Variants in ANKRD30B observed in about 807,000 individuals in gnomAD.
The protein encoded by ANKRD30B is ankyrin repeat domain-containing protein 30B.
A neutral mutation model predicts 202.2 loss-of-function variants in ANKRD30B; 144 were observed. The ratio of observed to expected loss-of-function variants is 0.71; its 90% CI spans 0.62 to 0.82. ANKRD30B has a LOEUF of 0.82. ANKRD30B is among the 40% of genes least tolerant of loss of function. The pLI is 0.00. For synonymous variants in ANKRD30B, 508 were observed against 561.3 expected, an observed-to-expected ratio of 0.91 and a Z score of 1.34; for missense variants, 1,487 against 1,669.1, an observed-to-expected ratio of 0.89 and a Z score of 1.90.
rs1302286178 is a variant in ANKRD30B at position 14,755,029 on chromosome 18, TA to T, written c.617+30del. ...TGGTATGGTAGTTCTTTTTTTTTAC[TA>T]AAAAACACTTGACTAGTGTTCTAGA... On this transcript the variant is annotated intron_variant, in intron 4 of 43. Coordinates refer to ENST00000690538, the MANE Select transcript of ANKRD30B (RefSeq NM_001367607.2). 6 of 1,285,306 alleles carry T rather than the reference TA, an allele frequency of 4.7e-6. No homozygotes were observed. In the African/African-American group the frequency reaches 6.1e-5, roughly 13 times the overall value. 79.6% of individuals were successfully genotyped at this position (1,285,306 alleles called of 1,614,324 possible).
At chr18:14,903,366 G>A in the ANKRD30B span, among the ~76,000 whole-genome samples, 2 of 152,336 alleles carry the variant, frequency 1.3e-5, no homozygotes, top group East Asian at 1.9e-4. Flanking sequence ...AGGGGAAGAG[G>A]AGATGGGAAT....
intron 26 of ANKRD30B, 41 bp downstream of exon 26, chr18:14,808,785 A>T: frequency 1.4e-6 from 2 of 1,411,122 alleles, no homozygotes; most frequent in Non-Finnish European, 1.9e-6. Flanking sequence ...AATTAAGAAT[A>T]TTAAACTATT....
intron 30 of ANKRD30B, among the ~76,000 whole-genome samples, chr18:14,819,890 T>A (rs553086324): frequency 6.6e-6 from 1 of 152,286 alleles, no homozygotes; most frequent in South Asian, 2.1e-4. Context: ...TTTTTTCCAA[T>A]TCTGTGAAGA....
the ANKRD30B span, among the ~76,000 whole-genome samples, chr18:14,890,541 G>T: frequency 6.6e-6 from 1 of 150,904 alleles, no homozygotes; most frequent in Admixed American, 6.6e-5. Flanking sequence ...GAAGCACAGA[G>T]AAACTAAGAA....
At chr18:14,815,486 A>T (rs1408918975) in intron 30 of ANKRD30B, among the ~76,000 whole-genome samples, 1 of 152,134 alleles carries the variant, frequency 6.6e-6, no homozygotes, top group Non-Finnish European at 1.5e-5. Flanking sequence ...GAGGCCTTTC[A>T]TGGGAAAAAT....
intron 6 of ANKRD30B, among the ~76,000 whole-genome samples, chr18:14,761,669 A>C (rs1915282489): frequency 6.6e-6 from 1 of 152,224 alleles, no homozygotes; most frequent in Non-Finnish European, 1.5e-5. Flanking sequence ...TGTTTCCCAC[A>C]AGCCTGATGA....
At position 14,807,380 on chromosome 18, in the gene ANKRD30B, G is replaced by A. The variant is rs530897392; in HGVS notation, c.2285-1171G>A. Among the ~76,000 whole-genome samples the A allele has an allele frequency of 1.8e-3, 276 of 150,744 alleles. 13 individuals carry two copies. The highest frequency in any genetic ancestry group is 2.8e-3 in the Non-Finnish European group (193 of 67,720). On this transcript the variant is annotated intron_variant, in intron 24 of 43. Coordinates refer to ENST00000690538, the MANE Select transcript of ANKRD30B (RefSeq NM_001367607.2). ...TCGCATGGTATAACAAATAGAATTA[G>A]TTTTAGCAAAGCAAAGCAATTGTAG...
chr18:14,790,418 A>G (rs1321247476), intron 15 of ANKRD30B, among the ~76,000 whole-genome samples: 2 of 152,170 alleles, frequency 1.3e-5, no homozygotes, highest in Non-Finnish European at 1.5e-5. Context: ...CAGAACTTAC[A>G]ACACTATGTT....
rs1967815059 is a variant in ANKRD30B at position 14,782,521 on chromosome 18, T to C, written c.1483-6T>C. 2 of 1,553,844 alleles carry C rather than the reference T, an allele frequency of 1.3e-6. No homozygotes were observed. The highest frequency in any genetic ancestry group is 2.1e-5 in the Admixed American group (1 of 48,320). ...TGAAATTATCTATTGATACTACTTT[T>C]AACAGAGTCTCTTTGAGAGTTCTGC... On this transcript the variant is annotated splice_region_variant and splice_polypyrimidine_tract_variant and intron_variant, in intron 11 of 43. Transcript: ENST00000690538.
chr18:14,831,181 G>GAAAAA lies in ANKRD30B; in HGVS notation c.2775-187_2775-183dup, dbSNP rs71305894. Among the ~76,000 whole-genome samples, 85 of 52,316 alleles carry GAAAAA rather than the reference G, an allele frequency of 1.6e-3. 1 individual carries two copies. Among genetic ancestry groups the GAAAAA allele is most frequent in the African/African-American group, 5.8e-3 (78 of 13,398 alleles). 34.3% of individuals were successfully genotyped at this position (52,316 alleles called of 152,430 possible). On this transcript the variant is annotated intron_variant, in intron 33 of 43. Coordinates refer to ENST00000690538, the MANE Select transcript of ANKRD30B (RefSeq NM_001367607.2). ...GGCGACAGAGCGAGACTCCGTCTCG[G>GAAAAA]AAAAAAAAAAAAAAAAAAACGAAAA...
rs762065430 is a variant in ANKRD30B, at chr18:14,760,629, G to A, written c.820+11G>A. ...AAAATACCAATCCAGGTAAGACTTC[G>A]GATAGCAAACTACTCTTGATGGTGC... On this transcript the variant is annotated intron_variant, in intron 6 of 43. Coordinates refer to ENST00000690538, the MANE Select transcript of ANKRD30B (RefSeq NM_001367607.2). 17 of 1,521,202 alleles carry A rather than the reference G, an allele frequency of 1.1e-5. No individual in the cohort carries two copies. Among genetic ancestry groups the A allele is most frequent in the African/African-American group, 1.4e-5 (1 of 71,590 alleles). 94.2% of individuals were successfully genotyped at this position (1,521,202 alleles called of 1,614,324 possible). A position where few individuals can be genotyped will look rare whatever the true frequency, so the allele number is the denominator to read the frequency against.
chr18:14,797,902 T>A, intron 20 of ANKRD30B, 48 bp downstream of exon 20: 1 of 1,460,138 alleles, frequency 6.8e-7, no homozygotes, highest in Non-Finnish European at 9.2e-7. Context: ...AATATTAAAC[T>A]ATTTGAAATG....
At position 14,778,594 on chromosome 18, in the gene ANKRD30B, AATATAAGC is replaced by A. The variant is rs1967525249; in HGVS notation, c.1420+524_1420+531del. On this transcript the variant is annotated intron_variant, in intron 10 of 43. Coordinates refer to ENST00000690538, the MANE Select transcript of ANKRD30B (RefSeq NM_001367607.2). The stretch of plus-strand genomic sequence containing the variant: ...AGTTGTGTTTTATCTGCAAAGGGTT[AATATAAGC>A]ATATTTGCACAGCTGTGCGTGTATA... Among the ~76,000 whole-genome samples, 7 of 152,346 alleles carry A rather than the reference AATATAAGC, an allele frequency of 4.6e-5. No homozygotes were observed. In the South Asian group the frequency reaches 1.2e-3, roughly 27 times the overall value.
At chr18:14,757,275 G>A (rs9748500) in intron 4 of ANKRD30B, among the ~76,000 whole-genome samples, 73,334 of 151,942 alleles carry the variant, frequency 0.48, 18,250 homozygotes, top group African/African-American at 0.56. Context: ...ACATAATACC[G>A]AGTATGACTT....
the ANKRD30B span, among the ~76,000 whole-genome samples, chr18:14,863,561 A>T: frequency 6.6e-6 from 1 of 152,058 alleles, no homozygotes; most frequent in Non-Finnish European, 1.5e-5. Flanking sequence ...TTCTCTATAA[A>T]TTTAAAAAAA....
At chr18:14,893,365 C>T in the ANKRD30B span, among the ~76,000 whole-genome samples, 709 of 152,330 alleles carry the variant, frequency 4.7e-3, 9 homozygotes, top group Non-Finnish European at 8.1e-3. Flanking sequence ...AATCCCAGCA[C>T]TTTGGGAGGC....
chr18:14,820,838 T>G (rs1255508366), intron 30 of ANKRD30B, among the ~76,000 whole-genome samples: 1 of 152,202 alleles, frequency 6.6e-6, no homozygotes, highest in African/African-American at 2.4e-5. Flanking sequence ...TTCTGTTGTG[T>G]CTCTGCCCGG....
downstream of ANKRD30B, among the ~76,000 whole-genome samples, chr18:14,858,984 T>C (rs1179320140): frequency 2.7e-5 from 2 of 73,984 alleles, no homozygotes; most frequent in East Asian, 7.4e-4. Flanking sequence ...ACCTCCCAGA[T>C]GATGGGCAGC....
At chr18:14,767,294 C>T (rs1297577520) in intron 7 of ANKRD30B, among the ~76,000 whole-genome samples, 7 of 151,922 alleles carry the variant, frequency 4.6e-5, no homozygotes, top group East Asian at 3.9e-4. Context: ...CTAAGACACC[C>T]GGTGAATGTC....
Sources: allele counts gnomAD v4.1 joint callset (sites outside exome capture counted in the v4.1 genomes callset), GRCh38; gene constraint gnomAD v4.1.1; transcripts MANE v1.5; gene names NCBI Gene and HGNC (gene_info 2026-07-23, HGNC 2026-07-21).